Variants in TNRC6B observed in about 807,000 individuals in gnomAD.
TNRC6B encodes trinucleotide repeat-containing gene 6B protein.
Under a neutral mutation model 203.6 loss-of-function variants are expected in TNRC6B, and 52 were observed. That is an observed-to-expected ratio of 0.26 (90% CI 0.20 to 0.32). The LOEUF is 0.32. TNRC6B is among the 10% of genes least tolerant of loss of function. The probability of loss-of-function intolerance (pLI) is 1.00; values close to 1 mark genes in which losing one functional copy is unlikely to be tolerated. For missense variants in TNRC6B, 1,923 were observed against 2,286.2 expected, an observed-to-expected ratio of 0.84 and a Z score of 3.24; for synonymous variants, 838 against 845.7, an observed-to-expected ratio of 0.99 and a Z score of 0.16.
intron 3 of TNRC6B, among the ~76,000 whole-genome samples, chr22:40,146,705 G>A (rs978772845): frequency 2.0e-5 from 3 of 151,672 alleles, no homozygotes; most frequent in Admixed American, 6.6e-5. Flanking sequence ...GATTACAGGC[G>A]CCCGCCGCCA....
rs552314031 is a variant in TNRC6B, at chr22:40,063,681, T to A, written c.-121+18683T>A. Among the ~76,000 whole-genome samples, 11 of 152,170 alleles carry A rather than the reference T, an allele frequency of 7.2e-5. No individual in the cohort carries two copies. The South Asian group carries it at 2.1e-3, about 29-fold the overall frequency. ...CTTTTTGATGTTAGGTTTTTTTCTT[T>A]TTTCTTTTTCTTTTTTTCTTTTTTT... On this transcript the variant is annotated intron_variant, in intron 1 of 23. Coordinates refer to the TNRC6B transcript ENST00000301923.
intron 1 of TNRC6B, among the ~76,000 whole-genome samples, chr22:40,089,157 A>G (rs1222784608): frequency 4.6e-5 from 7 of 152,224 alleles, no homozygotes; most frequent in African/African-American, 1.7e-4. Context: ...CAGATTCCCA[A>G]CATGGGTGAA....
chr22:40,141,992 C>T (rs2068648424), intron 3 of TNRC6B, among the ~76,000 whole-genome samples: 1 of 151,524 alleles, frequency 6.6e-6, no homozygotes, highest in Non-Finnish European at 1.5e-5. Context: ...GATCTCCTGA[C>T]CTCATGATCC....
Position 40,193,884 on chromosome 22 carries a change from G to A in TNRC6B, c.5+15744G>A, listed in dbSNP as rs527892403. On this transcript the variant is annotated intron_variant, in intron 1 of 22. Coordinates refer to ENST00000454349, the MANE Select transcript of TNRC6B (RefSeq NM_001162501.2). ...AAAAAAAAAAGAAAGACTGCAAAGA[G>A]AACCGGCTGCCAGCCCTAAGAGCTT... 3.3e-5 allele frequency among the ~76,000 whole-genome samples: 5 copies of A among 152,252 alleles called. No individual in the cohort carries two copies. The South Asian group carries it at 1.0e-3, about 32-fold the overall frequency.
At chr22:40,110,996 G>C (rs2068327524) in intron 1 of TNRC6B, among the ~76,000 whole-genome samples, 1 of 152,292 alleles carries the variant, frequency 6.6e-6, no homozygotes, top group African/African-American at 2.4e-5. Flanking sequence ...AGACCGGGAA[G>C]CTTACCACCT....
Position 40,293,816 on chromosome 22 carries a change from A to C in TNRC6B, c.3709-6639A>C. Among the ~76,000 whole-genome samples the C allele has an allele frequency of 2.0e-5, 3 of 152,144 alleles. No homozygotes were observed. The East Asian group carries it at 5.8e-4, about 29-fold the overall frequency. On this transcript the variant is annotated intron_variant, in intron 12 of 22. Transcript: ENST00000454349. ...CATGTATTTTGAGCGCAGTTAATAT[A>C]TATTAAGTCATGGGAAGATGCATAT...
intron 3 of TNRC6B, among the ~76,000 whole-genome samples, chr22:40,255,006 G>A (rs779123183): frequency 1.3e-5 from 2 of 152,226 alleles, no homozygotes; most frequent in Non-Finnish European, 2.9e-5. Context: ...ACCTTGTGGA[G>A]TTCGGGCCAG....
intron 1 of TNRC6B, among the ~76,000 whole-genome samples, chr22:40,052,645 C>G (rs1477304828): frequency 6.6e-6 from 1 of 151,838 alleles, no homozygotes; most frequent in African/African-American, 2.4e-5. Context: ...GATGAGGTCT[C>G]ACTATGTTGC....
At chr22:40,222,728 C>CTCTT (rs2069728214) in intron 1 of TNRC6B, among the ~76,000 whole-genome samples, 17 of 40,208 alleles carry the variant, frequency 4.2e-4, no homozygotes, top group South Asian at 1.5e-3. Context: ...CTCTCTCTCT[C>CTCTT]TTTTTTTTTT....
At chr22:40,216,450 A>G (rs2069636505) in intron 1 of TNRC6B, among the ~76,000 whole-genome samples, 1 of 152,104 alleles carries the variant, frequency 6.6e-6, no homozygotes, top group African/African-American at 2.4e-5. Flanking sequence ...CACATTATAT[A>G]TGCTCGATAA....
chr22:40,206,654 C>T (rs2069482119), intron 1 of TNRC6B, among the ~76,000 whole-genome samples: 1 of 152,100 alleles, frequency 6.6e-6, no homozygotes, highest in Non-Finnish European at 1.5e-5. Flanking sequence ...CCTGCTAGAT[C>T]CCTTGCCGTA....
intron 3 of TNRC6B, among the ~76,000 whole-genome samples, chr22:40,141,583 A>G (rs1015536676): frequency 6.6e-6 from 1 of 151,656 alleles, no homozygotes; most frequent in Admixed American, 6.6e-5. Context: ...CTGTAATCCT[A>G]CTCTGTAGTC....
At position 40,320,246 on chromosome 22, in the gene TNRC6B, C is replaced by G. The variant is rs2071317456; in HGVS notation, c.4975-844C>G. ...CCTGTAATCCCAGCACTTTGGGAGG[C>G]TGAGGCGAGTGGATCACAAGGTCAG... On this transcript the variant is annotated intron_variant, in intron 21 of 22. Transcript: ENST00000454349. Among the ~76,000 whole-genome samples, 3 of 152,154 alleles carry G rather than the reference C, an allele frequency of 2.0e-5. No individual in the cohort carries two copies. In the South Asian group the frequency reaches 6.2e-4, roughly 32 times the overall value.
At position 40,327,984 on chromosome 22, in the gene TNRC6B, G is replaced by C. The variant is rs1327024888; in HGVS notation, c.*4743G>C. The C allele has an allele frequency of 1.3e-5, 2 of 152,036 alleles. No homozygotes were observed. Among genetic ancestry groups the C allele is most frequent in the South Asian group, 2.1e-4 (1 of 4,830 alleles). 9.4% of individuals were successfully genotyped at this position (152,036 alleles called of 1,614,324 possible). Reference sequence around the variant, plus strand: ...AGAAAAGAAGCACTAATAGAGAAAGGGGTGTCTCACACCAGACAGAGGACC... The same window carrying C: ...AGAAAAGAAGCACTAATAGAGAAAGCGGTGTCTCACACCAGACAGAGGACC... On this transcript the variant is annotated 3_prime_UTR_variant, in exon 23 of 23. Transcript: ENST00000454349.
chr22:40,166,431 C>CT (rs200906353), intron 4 of TNRC6B, among the ~76,000 whole-genome samples: 1,564 of 141,102 alleles, frequency 0.011, 9 homozygotes, highest in African/African-American at 0.019. Context: ...ATGCTATACT[C>CT]TTTTTTTTTT....
chr22:40,218,699 A>G (rs1029149297), intron 1 of TNRC6B, among the ~76,000 whole-genome samples: 1 of 152,132 alleles, frequency 6.6e-6, no homozygotes, highest in African/African-American at 2.4e-5. Flanking sequence ...TTTAACAAGC[A>G]TTTATTTAAG....
chr22:40,280,635 T>A (rs538560672), intron 10 of TNRC6B, among the ~76,000 whole-genome samples: 1 of 152,274 alleles, frequency 6.6e-6, no homozygotes, highest in African/African-American at 2.4e-5. Context: ...TTGGTTTTGA[T>A]GTTTAACATT....
intron 15 of TNRC6B, among the ~76,000 whole-genome samples, chr22:40,308,293 G>T (rs531270571): frequency 6.6e-6 from 1 of 152,186 alleles, no homozygotes; most frequent in South Asian, 2.1e-4. Context: ...AGACCTGATC[G>T]ATGGCAGTCA....
intron 2 of TNRC6B, chr22:40,125,674 T>C: frequency 2.8e-6 from 2 of 704,952 alleles, no homozygotes; most frequent in Middle Eastern, 3.9e-4. Context: ...CTTCACAGTA[T>C]CTGTGGCCTT....
Sources: gnomAD v4.1 joint callset for allele counts (sites outside exome capture counted in the v4.1 genomes callset) on GRCh38, gnomAD v4.1.1 for gene constraint, MANE v1.5 for transcripts, NCBI Gene and HGNC (gene_info 2026-07-23, HGNC 2026-07-21) for gene names.